WDR33: variants seen among roughly 807,000 people sequenced by gnomAD.
WDR33 encodes the protein WD repeat domain 33.
A neutral mutation model predicts 164.9 loss-of-function variants in WDR33; 47 were observed. That is an observed-to-expected ratio of 0.29 (90% CI 0.23 to 0.36). The LOEUF (loss-of-function observed/expected upper bound fraction) is 0.36. Ranked by LOEUF, WDR33 falls within the 10% of genes least tolerant of loss-of-function variation. WDR33 has a pLI of 1.00. For missense variants in WDR33, 1,137 were observed against 1,754.1 expected (o/e 0.65, Z 6.28); for synonymous variants, 505 against 589.0 (o/e 0.86, Z 2.06).
Position 127,701,387 on chromosome 2 carries a change from A to C in WDR33, c.*4936T>G. 1.3e-6 allele frequency: 1 copy of C among 792,012 alleles called. No individual in the cohort carries two copies. Among genetic ancestry groups the C allele is most frequent in the Non-Finnish European group, 1.7e-6 (1 of 590,470 alleles). 49.1% of individuals were successfully genotyped at this position (792,012 alleles called of 1,614,324 possible). A position where few individuals can be genotyped will look rare whatever the true frequency, so the allele number is the denominator to read the frequency against. On this transcript the variant is annotated 3_prime_UTR_variant, in exon 22 of 22. Transcript: ENST00000322313. ...GGGACACCACAAAAGTCCGCAGAGCAGGCACCGCGGCACTTCCGCGAGCGC... is the reference window on the plus strand; with the variant it reads ...GGGACACCACAAAAGTCCGCAGAGCCGGCACCGCGGCACTTCCGCGAGCGC...
At chr2:127,792,948 C>G (rs1688892556) in intron 1 of WDR33, among the ~76,000 whole-genome samples, 1 of 152,032 alleles carries the variant, frequency 6.6e-6, no homozygotes, top group East Asian at 1.9e-4. Flanking sequence ...TAAACACACT[C>G]ATAGAGAGAT....
chr2:127,744,829 A>G (rs1193502727), intron 7 of WDR33, among the ~76,000 whole-genome samples: 1 of 152,068 alleles, frequency 6.6e-6, no homozygotes, highest in Non-Finnish European at 1.5e-5. Context: ...CCTGCACTTC[A>G]TATTTTTTCA....
chr2:127,721,821 C>T lies in WDR33; in HGVS notation c.1671+15G>A, dbSNP rs1374809211. 2 of 1,603,310 alleles carry T rather than the reference C, an allele frequency of 1.2e-6. No homozygotes were observed. The highest frequency in any genetic ancestry group is 1.7e-4 in the Middle Eastern group (1 of 6,054). On this transcript the variant is annotated intron_variant, in intron 15 of 21. Transcript: ENST00000322313. The surrounding 1 kb of genome is among the most constrained non-coding windows in gnomAD (Gnocchi z 4.9). ...TTAGATCATCTTGAATTCCCCCCTA[C>T]AGAGCTTCACACACCTCCAGAAGTT...
rs1175787916 is a variant in WDR33, at chr2:127,708,572, G to C, written c.3781+105C>G. The C allele has an allele frequency of 6.5e-5, 83 of 1,271,578 alleles. No individual in the cohort carries two copies. The highest frequency in any genetic ancestry group is 8.9e-5 in the Non-Finnish European group (82 of 923,990). The allele number at this position is 1,271,578 out of a possible 1,614,324, so 78.8% of individuals were successfully genotyped here. A position where few individuals can be genotyped will look rare whatever the true frequency, so the allele number is the denominator to read the frequency against. ...GCACTGGCACCACATTTAGGAGCAT[G>C]TGCCTCTGCACAGCCCAGGCTGCAA... On this transcript the variant is annotated intron_variant, in intron 21 of 21. Coordinates refer to ENST00000322313, the MANE Select transcript of WDR33 (RefSeq NM_018383.5). This position sits in a 1 kb window ranked among gnomAD's most constrained non-coding sequence, Gnocchi z 6.7.
rs190974621 is a variant in WDR33 at position 127,729,789 on chromosome 2, C to T, written c.725-3012G>A. Among the ~76,000 whole-genome samples, 942 of 152,330 alleles carry T rather than the reference C, an allele frequency of 6.2e-3. 19 individuals carry two copies. Among genetic ancestry groups the T allele is most frequent in the South Asian group, 0.058 (281 of 4,826 alleles). On this transcript the variant is annotated intron_variant, in intron 7 of 21. Transcript: ENST00000322313. ...GGATTACAGGCGTGAGCCACTGCAC[C>T]CGGCCAACTATTCATTTTTTAGCCT...
intron 7 of WDR33, among the ~76,000 whole-genome samples, chr2:127,733,749 T>G (rs1024703745): frequency 2.6e-5 from 4 of 152,200 alleles, no homozygotes; most frequent in Admixed American, 6.5e-5. Flanking sequence ...GGACAATAAC[T>G]GGCCCTAAAG....
At chr2:127,784,425 C>G (rs1016817369) in intron 1 of WDR33, among the ~76,000 whole-genome samples, 2 of 152,152 alleles carry the variant, frequency 1.3e-5, no homozygotes, top group African/African-American at 4.8e-5. Context: ...CACTCTGTCA[C>G]CCAGGCTGGA....
chr2:127,788,441 C>G (rs1573463385), intron 1 of WDR33, among the ~76,000 whole-genome samples: 1 of 131,760 alleles, frequency 7.6e-6, no homozygotes, highest in African/African-American at 3.1e-5. Flanking sequence ...CCCCACCTCC[C>G]TCCCGGACGG....
chr2:127,734,905 G>A (rs551221013), intron 7 of WDR33, among the ~76,000 whole-genome samples: 3 of 152,222 alleles, frequency 2.0e-5, no homozygotes, highest in Admixed American at 6.5e-5. Context: ...GCAAAGTGCA[G>A]AATGCAAACA....
chr2:127,797,673 G>C (rs767660343), intron 1 of WDR33, among the ~76,000 whole-genome samples: 5 of 152,034 alleles, frequency 3.3e-5, no homozygotes, highest in Non-Finnish European at 5.9e-5. Flanking sequence ...AAAGGGTCTA[G>C]ATTTGATGAT....
rs1165996474 is a variant in WDR33, at chr2:127,718,643, G to A, written c.2760+622C>T. On this transcript the variant is annotated intron_variant, in intron 16 of 21. Coordinates refer to ENST00000322313, the MANE Select transcript of WDR33 (RefSeq NM_018383.5). This position sits in a 1 kb window ranked among gnomAD's most constrained non-coding sequence, Gnocchi z 4.4. Reference sequence around the variant, plus strand: ...CTCCCCCCTGCAAATACTTTTATATGTGAGCTGAAAACAACTTGAGCAGAG... The same window carrying A: ...CTCCCCCCTGCAAATACTTTTATATATGAGCTGAAAACAACTTGAGCAGAG... Among the ~76,000 whole-genome samples the A allele has an allele frequency of 6.6e-6, 1 of 152,158 alleles. No homozygotes were observed. Among genetic ancestry groups the A allele is most frequent in the African/African-American group, 2.4e-5 (1 of 41,426 alleles).
At chr2:127,805,401 A>T (rs1204734223) in intron 1 of WDR33, among the ~76,000 whole-genome samples, 1 of 152,076 alleles carries the variant, frequency 6.6e-6, no homozygotes, top group Non-Finnish European at 1.5e-5. Context: ...TATTTTTGCC[A>T]AAAATATTTG....
rs1009643803 is a variant in WDR33 at position 127,709,308 on chromosome 2, T to C, written c.3565+182A>G. Among the ~76,000 whole-genome samples the C allele has an allele frequency of 6.6e-5, 10 of 152,302 alleles. No individual in the cohort carries two copies. Among genetic ancestry groups the C allele is most frequent in the African/African-American group, 2.4e-4 (10 of 41,564 alleles). On this transcript the variant is annotated intron_variant, in intron 20 of 21. Transcript: ENST00000322313. This position sits in a 1 kb window ranked among gnomAD's most constrained non-coding sequence, Gnocchi z 5.0. ...ATAGATCCCTGTAATGTCTGGCGGA[T>C]TCCTCTGCTCTGCATTCCACCTGCT...
In WDR33 at chr2:127,770,325, C is replaced by T. The variant is rs1327982571; in HGVS notation, c.204+453G>A. Among the ~76,000 whole-genome samples the T allele has an allele frequency of 1.3e-5, 2 of 152,084 alleles. No individual in the cohort carries two copies. Among genetic ancestry groups the T allele is most frequent in the Non-Finnish European group, 2.9e-5 (2 of 68,032 alleles). ...TCCTAAATTAGCCAATTTGAAATTC[C>T]ACCGTGTCCCACTAATTCAACTAAC... is the stretch of plus-strand genomic sequence containing the variant. On this transcript the variant is annotated intron_variant, in intron 2 of 21. Transcript: ENST00000322313. This position sits in a 1 kb window ranked among gnomAD's most constrained non-coding sequence, Gnocchi z 4.9.
chr2:127,790,698 A>C (rs78534327), intron 1 of WDR33, among the ~76,000 whole-genome samples: 20,127 of 152,002 alleles, frequency 0.13, 1,454 homozygotes, highest in South Asian at 0.26. Flanking sequence ...GCAGCCTCGA[A>C]CTCCTGGGCT....
chr2:127,735,296 G>C lies in WDR33; in HGVS notation c.725-8519C>G, dbSNP rs755670626. 1.5e-4 allele frequency: 129 copies of C among 835,230 alleles called. No homozygotes were observed. Among genetic ancestry groups the C allele is most frequent in the Non-Finnish European group, 1.8e-4 (124 of 693,202 alleles). 51.7% of individuals were successfully genotyped at this position (835,230 alleles called of 1,614,324 possible). A position where few individuals can be genotyped will look rare whatever the true frequency, so the allele number is the denominator to read the frequency against. ...TGATCACCCCTCCTCCACCTCATCA[G>C]ATCCTAAGGAACCTGTTACCCCAAG... On this transcript the variant is annotated intron_variant, in intron 7 of 21. Transcript: ENST00000322313. This position sits in a 1 kb window ranked among gnomAD's most constrained non-coding sequence, Gnocchi z 4.3.
chr2:127,714,392 A>C lies in WDR33; in HGVS notation c.2870-371T>G, dbSNP rs907220641. Among the ~76,000 whole-genome samples, 1 of 152,214 alleles carries C rather than the reference A, an allele frequency of 6.6e-6. No individual in the cohort carries two copies. Among genetic ancestry groups the C allele is most frequent in the African/African-American group, 2.4e-5 (1 of 41,454 alleles). The stretch of plus-strand genomic sequence containing the variant: ...ATTAGGGCCACCTGCTCCACATCCA[A>C]GGAGGACACAACAGAGGAAATTAAT... On this transcript the variant is annotated intron_variant, in intron 17 of 21. Coordinates refer to ENST00000322313, the MANE Select transcript of WDR33 (RefSeq NM_018383.5). The surrounding 1 kb of genome is among the most constrained non-coding windows in gnomAD (Gnocchi z 4.3).
At chr2:127,745,972 C>T (rs1260617973) in intron 7 of WDR33, among the ~76,000 whole-genome samples, 3 of 148,102 alleles carry the variant, frequency 2.0e-5, no homozygotes, top group Non-Finnish European at 4.4e-5. Flanking sequence ...TTGCAGTGAA[C>T]TATGATCATA....
Position 127,717,800 on chromosome 2 carries a change from T to C in WDR33, c.2761-537A>G, listed in dbSNP as rs1014300863. Among the ~76,000 whole-genome samples the C allele has an allele frequency of 6.6e-6, 1 of 152,216 alleles. No individual in the cohort carries two copies. The highest frequency in any genetic ancestry group is 1.5e-5 in the Non-Finnish European group (1 of 68,036). ...CTACATGGTACAATAAAAAATCTCA[T>C]TGAATTATCCCAGAAACTCAGGCAT... is the stretch of plus-strand genomic sequence containing the variant. On this transcript the variant is annotated intron_variant, in intron 16 of 21. Transcript: ENST00000322313. This position sits in a 1 kb window ranked among gnomAD's most constrained non-coding sequence, Gnocchi z 5.6.
Sources: allele counts gnomAD v4.1 joint callset (sites outside exome capture counted in the v4.1 genomes callset), GRCh38; gene constraint gnomAD v4.1.1; non-coding constraint Gnocchi (gnomAD v3.1); transcripts MANE v1.5; gene names NCBI Gene and HGNC (gene_info 2026-07-23, HGNC 2026-07-21).